The following NUP98 variants were observed in gnomAD, a reference collection of about 807,000 sequenced individuals.
The protein encoded by NUP98 is nucleoporin 98 and 96 precursor.
Under a neutral mutation model 191.9 loss-of-function variants are expected in NUP98, and 26 were observed. That is an observed-to-expected ratio of 0.14 (90% CI 0.10 to 0.19). NUP98 has a LOEUF of 0.19. Among genes scored for constraint, NUP98 ranks in the 10% least tolerant of loss-of-function variants. NUP98 has a pLI of 1.00. For synonymous variants in NUP98, 808 were observed against 778.4 expected (o/e 1.04, Z -0.63); for missense variants, 1,941 against 2,178.8 (o/e 0.89, Z 2.17).
In NUP98 at chr11:3,683,455, T is replaced by C; in HGVS notation, c.4677-14A>G. ...TTCTCACGTATGCTACAGGGAGAGA[T>C]AAGCTAGAATAAATCCCATCCTCAT... is the stretch of plus-strand genomic sequence containing the variant. On this transcript the variant is annotated splice_polypyrimidine_tract_variant and intron_variant, in intron 29 of 32. Transcript: ENST00000324932. 5 of 1,613,504 alleles carry C rather than the reference T, an allele frequency of 3.1e-6. No individual in the cohort carries two copies. The highest frequency in any genetic ancestry group is 1.3e-5 in the African/African-American group (1 of 74,976).
chr11:3,753,456 A>C, intron 10 of NUP98, 48 bp from the exon 11 acceptor site: 16 of 1,436,450 alleles, frequency 1.1e-5, no homozygotes, highest in Non-Finnish European at 1.4e-5. Flanking sequence ...TATAACTCTC[A>C]ATTTCCTCTA....
At chr11:3,750,695 G>A (rs753901256) in intron 11 of NUP98, among the ~76,000 whole-genome samples, 7 of 151,790 alleles carry the variant, frequency 4.6e-5, no homozygotes, top group South Asian at 2.1e-4. Context: ...TGGTACTATC[G>A]TAACCCACTG....
At position 3,700,718 on chromosome 11, in the gene NUP98, G is replaced by T; in HGVS notation, c.3634C>A (p.His1212Asn). ...LELKLKHSTV[H>N]VDELCPLIVP... The stretch of plus-strand genomic sequence containing the variant: ...ATGAGAGGACACAGTTCATCCACAT[G>T]GACAGTGCTGTGTTTTAATTTGAGC... The change falls in exon 24 of 33, where the codon CAT becomes AAT. Residue 1212 changes from histidine (H) to asparagine (N), a missense_variant. Around this residue, in one of 6 missense-constraint regions of NUP98, gnomAD observed 1,030 missense variants for 1,115.8 expected, o/e 0.92. Coordinates refer to ENST00000324932, the MANE Select transcript of NUP98 (RefSeq NM_016320.5). 6.2e-7 allele frequency: 1 copy of T among 1,613,848 alleles called. No individual in the cohort carries two copies. The highest frequency in any genetic ancestry group is 8.5e-7 in the Non-Finnish European group (1 of 1,179,742).
At chr11:3,762,218 T>C (rs1399821640) in intron 9 of NUP98, among the ~76,000 whole-genome samples, 4 of 151,844 alleles carry the variant, frequency 2.6e-5, no homozygotes, top group African/African-American at 9.7e-5. Flanking sequence ...CAAGTGATTC[T>C]CTTGCCTCAG....
chr11:3,688,751 C>T lies in NUP98; in HGVS notation c.4455-2557G>A, dbSNP rs566402513. Among the ~76,000 whole-genome samples, 472 of 148,026 alleles carry T rather than the reference C, an allele frequency of 3.2e-3. 1 individual carries two copies. Among genetic ancestry groups the T allele is most frequent in the Non-Finnish European group, 5.8e-3 (392 of 67,268 alleles). On this transcript the variant is annotated intron_variant, in intron 28 of 32. Transcript: ENST00000324932. ...CAGAGGTTGCAGTGAGGCAAGATCA[C>T]GCCACTGCACTCTAGACTGGGCGAC... is the stretch of plus-strand genomic sequence containing the variant.
intron 6 of NUP98, among the ~76,000 whole-genome samples, chr11:3,772,999 C>CA (rs780896301): frequency 4.3e-4 from 65 of 149,870 alleles, no homozygotes; most frequent in South Asian, 4.2e-3. Context: ...ACAAAAAAAA[C>CA]AAAAAAAAAC....
chr11:3,748,859 T>C (rs1368919189), intron 11 of NUP98, among the ~76,000 whole-genome samples: 2 of 152,066 alleles, frequency 1.3e-5, no homozygotes, highest in Non-Finnish European at 2.9e-5. Context: ...CTTTTGTTTT[T>C]ATTTCTTGCA....
intron 2 of NUP98, 22 bp downstream of exon 2, chr11:3,782,018 CTT>C: frequency 1.3e-6 from 2 of 1,573,804 alleles, no homozygotes; most frequent in Non-Finnish European, 1.7e-6. Flanking sequence ...GTTTCTCCCT[CTT>C]TTGTCCTTTT....
intron 14 of NUP98, among the ~76,000 whole-genome samples, chr11:3,729,370 A>C (rs2079743532): frequency 6.6e-6 from 1 of 151,824 alleles, no homozygotes; most frequent in African/African-American, 2.4e-5. Flanking sequence ...TATGAAAGTG[A>C]ATCAAGGAGG....
chr11:3,681,320 T>A (rs766076643), intron 30 of NUP98, among the ~76,000 whole-genome samples: 1 of 152,134 alleles, frequency 6.6e-6, no homozygotes, highest in Non-Finnish European at 1.5e-5. Flanking sequence ...GGATTACAGG[T>A]ACGAGCCACC....
In NUP98 at chr11:3,689,940, ATTTTTTTTTTTTT is replaced by A. The variant is rs989043726; in HGVS notation, c.4454+1394_4454+1406del. 9.9e-4 allele frequency among the ~76,000 whole-genome samples: 73 copies of A among 73,572 alleles called. 1 individual carries two copies. In the South Asian group the frequency reaches 0.024, roughly 24 times the overall value. 48.3% of individuals were successfully genotyped at this position (73,572 alleles called of 152,430 possible). A position where few individuals can be genotyped will look rare whatever the true frequency, so the allele number is the denominator to read the frequency against. On this transcript the variant is annotated intron_variant, in intron 28 of 32. Coordinates refer to ENST00000324932, the MANE Select transcript of NUP98 (RefSeq NM_016320.5). ...GTGTGAGCCACCATGGCTGGCCTGC[ATTTTTTTTTTTTT>A]TTTTTTTTTTTTTTGAGACAAAGAG...
At chr11:3,760,374 A>C in intron 10 of NUP98, 165 bp downstream of exon 10, 1 of 970,908 alleles carries the variant, frequency 1.0e-6, no homozygotes, top group Non-Finnish European at 1.6e-6. Context: ...ACTTCACATC[A>C]AGCTACCGCT....
At chr11:3,761,649 C>T (rs1252981410) in intron 9 of NUP98, among the ~76,000 whole-genome samples, 1 of 152,166 alleles carries the variant, frequency 6.6e-6, no homozygotes, top group African/African-American at 2.4e-5. Context: ...ATCCCAGCTA[C>T]TCGGGAGGCT....
chr11:3,776,155 T>G, intron 4 of NUP98, 134 bp from the exon 5 acceptor site: 2 of 639,870 alleles, frequency 3.1e-6, no homozygotes, highest in Non-Finnish European at 5.3e-6. Flanking sequence ...AGGGTCTTGC[T>G]CTGTCTCCTA....
At chr11:3,707,936 A>C (rs771583405) in intron 20 of NUP98, among the ~76,000 whole-genome samples, 2 of 151,958 alleles carry the variant, frequency 1.3e-5, no homozygotes, top group Non-Finnish European at 2.9e-5. Context: ...CCCTGTCTCT[A>C]CTAAAAATAC....
chr11:3,744,077 A>G (rs1259041804), intron 12 of NUP98, among the ~76,000 whole-genome samples: 1 of 152,200 alleles, frequency 6.6e-6, no homozygotes, highest in Non-Finnish European at 1.5e-5. Context: ...AAAATAAAGA[A>G]AAACACTTCA....
chr11:3,678,922 G>T (rs1795789276), intron 31 of NUP98, among the ~76,000 whole-genome samples: 1 of 152,044 alleles, frequency 6.6e-6, no homozygotes, highest in African/African-American at 2.4e-5. Flanking sequence ...AGGAATTCAA[G>T]ACCAGCCTGG....
Position 3,693,311 on chromosome 11 carries a change from A to G in NUP98, c.4232T>C (p.Leu1411Pro). The G allele has an allele frequency of 6.2e-7, 1 of 1,614,240 alleles. No individual in the cohort carries two copies. The highest frequency in any genetic ancestry group is 8.5e-7 in the Non-Finnish European group (1 of 1,180,040). The change falls in exon 27 of 33, where the codon CTG becomes CCG. Residue 1411 changes from leucine to proline, a missense_variant. By Grantham distance (98) the Leu-to-Pro change is moderately conservative (BLOSUM62 -3). Coordinates refer to ENST00000324932, the MANE Select transcript of NUP98 (RefSeq NM_016320.5). ...VCSQLDWKRSLAIHLWYLLPP... is the reference protein window; with the variant it reads ...VCSQLDWKRSPAIHLWYLLPP... ...AAGCAAATACCAAAGATGGATAGCC[A>G]GGGAGCGTTTCCAATCCAACTGGGA...
intron 2 of NUP98, among the ~76,000 whole-genome samples, chr11:3,779,915 G>A (rs984144515): frequency 2.6e-5 from 4 of 151,662 alleles, no homozygotes; most frequent in African/African-American, 7.3e-5. Flanking sequence ...ATCATTTGAG[G>A]TCAGGAGTTC....
Sources: gnomAD v4.1 joint callset for allele counts (sites outside exome capture counted in the v4.1 genomes callset) on GRCh38, gnomAD v4.1.1 for gene constraint, gnomAD v4.1.1 regional missense constraint, MANE v1.5 for transcripts, NCBI Gene and HGNC (gene_info 2026-07-23, HGNC 2026-07-21) for gene names.